The following ATXN1 variants were observed in gnomAD, a reference collection of about 807,000 sequenced individuals.
ATXN1 encodes the protein ataxin 1.
Under a neutral mutation model 56.4 loss-of-function variants are expected in ATXN1, and 8 were observed. The ratio of observed to expected loss-of-function variants is 0.14; its 90% CI spans 0.08 to 0.26. ATXN1 has a LOEUF of 0.26. ATXN1 is among the 10% of genes least tolerant of loss of function. The probability of loss-of-function intolerance (pLI) is 1.00; values close to 1 mark genes in which losing one functional copy is unlikely to be tolerated. For missense variants in ATXN1, 987 were observed against 1,106.5 expected, an observed-to-expected ratio of 0.89 and a Z score of 1.53; for synonymous variants, 514 against 494.6, an observed-to-expected ratio of 1.04 and a Z score of -0.52.
At position 16,305,510 on chromosome 6, in the gene ATXN1, C is replaced by T. The variant is rs1230137669; in HGVS notation, c.*819G>A. The T allele has an allele frequency of 6.6e-6, 1 of 151,510 alleles. No individual in the cohort carries two copies. Among genetic ancestry groups the T allele is most frequent in the Non-Finnish European group, 1.5e-5 (1 of 67,886 alleles). The allele number at this position is 151,510 out of a possible 1,614,324, so 9.4% of individuals were successfully genotyped here. ...CTCTCTCCCTCTCCCCCACCCCCAACCCCCCTTACCCCATGTGGGGCCATG... is the reference window on the plus strand; with the variant it reads ...CTCTCTCCCTCTCCCCCACCCCCAATCCCCCTTACCCCATGTGGGGCCATG... On this transcript the variant is annotated 3_prime_UTR_variant, in exon 8 of 8. Coordinates refer to ENST00000436367, the MANE Select transcript of ATXN1 (RefSeq NM_001128164.2).
In ATXN1 at chr6:16,506,535, T is replaced by C. The variant is rs553777899; in HGVS notation, c.-299+16092A>G. Among the ~76,000 whole-genome samples, 116 of 152,326 alleles carry C rather than the reference T, an allele frequency of 7.6e-4. No individual in the cohort carries two copies. In the Middle Eastern group the frequency reaches 0.01, roughly 13 times the overall value. ...CCCTATGTAATTGGTGGCCAGGATATTGAAATTCTCTGGAAAACACAGAAT... is the reference window on the plus strand; with the variant it reads ...CCCTATGTAATTGGTGGCCAGGATACTGAAATTCTCTGGAAAACACAGAAT... On this transcript the variant is annotated intron_variant, in intron 5 of 7. Coordinates refer to ENST00000436367, the MANE Select transcript of ATXN1 (RefSeq NM_001128164.2). This position sits in a 1 kb window ranked among gnomAD's most constrained non-coding sequence, Gnocchi z 4.1.
chr6:16,664,004 T>C (rs561706782), intron 2 of ATXN1, among the ~76,000 whole-genome samples: 1 of 152,360 alleles, frequency 6.6e-6, no homozygotes, highest in South Asian at 2.1e-4. Flanking sequence ...GACTGTGTTT[T>C]ATTAAAGGCA....
intron 6 of ATXN1, among the ~76,000 whole-genome samples, chr6:16,411,507 A>G (rs1758800287): frequency 6.6e-6 from 1 of 152,156 alleles, no homozygotes; most frequent in Non-Finnish European, 1.5e-5. Flanking sequence ...TAATAGCAAC[A>G]TTGATCTGGC....
chr6:16,501,726 T>C (rs1760889355), intron 5 of ATXN1, among the ~76,000 whole-genome samples: 1 of 152,224 alleles, frequency 6.6e-6, no homozygotes, highest in African/African-American at 2.4e-5. Flanking sequence ...CTATCATTGA[T>C]GGGCATTTGG....
chr6:16,422,716 G>A (rs1196761059), intron 6 of ATXN1, among the ~76,000 whole-genome samples: 2 of 152,152 alleles, frequency 1.3e-5, no homozygotes, highest in African/African-American at 4.8e-5. Flanking sequence ...GAAGAATCCT[G>A]CCCTTCACAA....
chr6:16,742,972 G>A (rs2113513533), intron 2 of ATXN1, among the ~76,000 whole-genome samples: 1 of 152,284 alleles, frequency 6.6e-6, no homozygotes, highest in African/African-American at 2.4e-5. Flanking sequence ...CACCTGAGTT[G>A]CAGAGTATGA....
chr6:16,631,100 G>GT (rs1232681140), intron 3 of ATXN1, among the ~76,000 whole-genome samples: 2 of 152,152 alleles, frequency 1.3e-5, no homozygotes, highest in African/African-American at 2.4e-5. Context: ...GCTGACTGCC[G>GT]TATGTGCAGC....
intron 7 of ATXN1, among the ~76,000 whole-genome samples, chr6:16,311,542 A>T (rs1307144515): frequency 2.0e-5 from 3 of 152,240 alleles, no homozygotes; most frequent in Non-Finnish European, 4.4e-5. Flanking sequence ...ATACAATTCT[A>T]GTTACCCTGT....
chr6:16,579,496 C>CCT (rs1219253345), intron 4 of ATXN1, among the ~76,000 whole-genome samples: 2 of 90,978 alleles, frequency 2.2e-5, no homozygotes, highest in African/African-American at 6.1e-5. Flanking sequence ...CCCCCCCACC[C>CCT]GCCGATTCAT....
rs1554127339 is a variant in ATXN1 at position 16,706,736 on chromosome 6, A to AAC, written c.-615+46496_-615+46497insGT. ...AAGACTCCATCTCAAAAAAAAAAAA[A>AAC]AAAAGGAAGAAAGAAAGAGGACCCT... is the stretch of plus-strand genomic sequence containing the variant. On this transcript the variant is annotated intron_variant, in intron 2 of 7. Transcript: ENST00000436367. Among the ~76,000 whole-genome samples, 80 of 144,766 alleles carry AAC rather than the reference A, an allele frequency of 5.5e-4. 6 individuals carry two copies. The highest frequency in any genetic ancestry group is 6.8e-4 in the Non-Finnish European group (45 of 66,434). The allele number at this position is 144,766 out of a possible 152,430, so 95.0% of individuals were successfully genotyped here.
At chr6:16,475,355 G>A (rs1760304799) in intron 6 of ATXN1, among the ~76,000 whole-genome samples, 1 of 152,192 alleles carries the variant, frequency 6.6e-6, no homozygotes, top group Non-Finnish European at 1.5e-5. Flanking sequence ...ACAAAGAGAT[G>A]AGCAAGTTGC....
chr6:16,676,755 T>C (rs1413004857), intron 2 of ATXN1, among the ~76,000 whole-genome samples: 1 of 152,222 alleles, frequency 6.6e-6, no homozygotes, highest in Middle Eastern at 3.2e-3. Flanking sequence ...TAAAATAATT[T>C]TAGTATGATT....
intron 6 of ATXN1, among the ~76,000 whole-genome samples, chr6:16,427,554 C>T (rs1408660744): frequency 6.6e-6 from 1 of 152,182 alleles, no homozygotes; most frequent in African/African-American, 2.4e-5. Flanking sequence ...ACAGAGTGGT[C>T]CTCGTTTCTG....
intron 2 of ATXN1, among the ~76,000 whole-genome samples, chr6:16,728,646 G>T (rs1245765062): frequency 6.6e-6 from 1 of 152,136 alleles, no homozygotes; most frequent in East Asian, 1.9e-4. Context: ...AATACTAGGG[G>T]TATTACGTAT....
intron 7 of ATXN1, among the ~76,000 whole-genome samples, chr6:16,321,181 A>G (rs1760642682): frequency 6.6e-6 from 1 of 152,134 alleles, no homozygotes; most frequent in Non-Finnish European, 1.5e-5. Flanking sequence ...TTCCTACCCA[A>G]GGAGGAGGTG....
intron 6 of ATXN1, among the ~76,000 whole-genome samples, chr6:16,453,969 C>T (rs138833403): frequency 0.011 from 1,731 of 151,912 alleles, 15 homozygotes; most frequent in Non-Finnish European, 0.018. Flanking sequence ...GGCAAAACCC[C>T]GTCTCTACTA....
At chr6:16,659,324 C>T (rs1442062497) in intron 2 of ATXN1, among the ~76,000 whole-genome samples, 1 of 152,204 alleles carries the variant, frequency 6.6e-6, no homozygotes, top group Admixed American at 6.5e-5. Flanking sequence ...TAGAAATCAA[C>T]ATAAGCCAGG....
At chr6:16,443,471 T>C (rs1467115391) in intron 6 of ATXN1, among the ~76,000 whole-genome samples, 1 of 152,194 alleles carries the variant, frequency 6.6e-6, no homozygotes, top group Non-Finnish European at 1.5e-5. Flanking sequence ...GTATATCCAG[T>C]TATTGGCATA....
chr6:16,355,728 AT>A (rs987775956), intron 6 of ATXN1, among the ~76,000 whole-genome samples: 1 of 151,988 alleles, frequency 6.6e-6, no homozygotes, highest in African/African-American at 2.4e-5. Flanking sequence ...CGCCCGGCTA[AT>A]TTTTTTCTAT....
Sources: allele counts gnomAD v4.1 joint callset (sites outside exome capture counted in the v4.1 genomes callset), GRCh38; gene constraint gnomAD v4.1.1; non-coding constraint Gnocchi (gnomAD v3.1); transcripts MANE v1.5; gene names NCBI Gene and HGNC (gene_info 2026-07-23, HGNC 2026-07-21).